Variants in OGDH observed in about 807,000 individuals in gnomAD.
OGDH encodes the protein 2-oxoglutarate dehydrogenase complex component E1.
OGDH carries 38 observed loss-of-function variants against 116.6 expected under a neutral mutation model. The observed-to-expected ratio is 0.33, with a 90% CI of 0.25 to 0.43. OGDH has a LOEUF of 0.43. Among genes scored for constraint, OGDH ranks in the 20% least tolerant of loss-of-function variants. OGDH has a pLI of 1.00. For synonymous variants in OGDH, 488 were observed against 533.3 expected (o/e 0.92, Z 1.17); for missense variants, 825 against 1,357.2 (o/e 0.61, Z 6.16).
chr7:44,646,819 G>T (rs1224429994), intron 3 of OGDH, among the ~76,000 whole-genome samples: 1 of 152,182 alleles, frequency 6.6e-6, no homozygotes, highest in African/African-American at 2.4e-5. Flanking sequence ...CAGGACCAGA[G>T]CCCTCACTCC....
intron 2 of OGDH, among the ~76,000 whole-genome samples, chr7:44,644,776 G>A (rs1786094881): frequency 6.6e-6 from 1 of 152,208 alleles, no homozygotes; most frequent in African/African-American, 2.4e-5. Flanking sequence ...CCAGGGAAGT[G>A]AAAGGACATG....
At chr7:44,628,601 A>G (rs1004599533) in intron 2 of OGDH, among the ~76,000 whole-genome samples, 4 of 151,814 alleles carry the variant, frequency 2.6e-5, no homozygotes, top group Non-Finnish European at 5.9e-5. Context: ...AATAAAATAG[A>G]AAGCTTTTTA....
Position 44,624,495 on chromosome 7 carries a change from G to A in OGDH, c.152G>A (p.Ser51Asn). The stretch of plus-strand genomic sequence containing the variant: ...CCTGTTGCTGCTGAGCCCTTTCTCA[G>A]TGGGACTAGTTCGAACTATGTGGAG... Reference protein sequence around the residue: ...SAPVAAEPFLSGTSSNYVEEM... With the variant: ...SAPVAAEPFLNGTSSNYVEEM... Residue 51 changes from serine to asparagine, a missense_variant, in exon 2 of 23, where the codon AGT becomes AAT. By Grantham distance (46) the Ser-to-Asn change is conservative. Transcript: ENST00000222673. 1 of 1,613,944 alleles carries A rather than the reference G, an allele frequency of 6.2e-7. No homozygotes were observed. Among genetic ancestry groups the A allele is most frequent in the Non-Finnish European group, 8.5e-7 (1 of 1,180,010 alleles).
chr7:44,626,303 C>A (rs1243721670), intron 2 of OGDH, among the ~76,000 whole-genome samples: 5 of 142,808 alleles, frequency 3.5e-5, no homozygotes, highest in African/African-American at 1.4e-4. Flanking sequence ...ACACACACAC[C>A]CCTACACACA....
intron 2 of OGDH, among the ~76,000 whole-genome samples, chr7:44,642,609 C>T (rs1020569570): frequency 6.6e-6 from 1 of 152,134 alleles, no homozygotes; most frequent in African/African-American, 2.4e-5. Flanking sequence ...ACCGTAAAAC[C>T]TCAAATAGTT....
At chr7:44,609,339 C>CA (rs1185554089) in intron 1 of OGDH, among the ~76,000 whole-genome samples, 2,582 of 81,508 alleles carry the variant, frequency 0.032, 85 homozygotes, top group African/African-American at 0.11. Flanking sequence ...CTCGTCTCTA[C>CA]AAAAAAAAAA....
At chr7:44,655,238 G>A (rs1230297186) in intron 4 of OGDH, among the ~76,000 whole-genome samples, 1 of 152,146 alleles carries the variant, frequency 6.6e-6, no homozygotes, top group African/African-American at 2.4e-5. Context: ...ATGGTCTCAT[G>A]TCTTGGTTTT....
At chr7:44,614,253 G>A (rs1046644138) in intron 1 of OGDH, among the ~76,000 whole-genome samples, 4 of 136,108 alleles carry the variant, frequency 2.9e-5, no homozygotes, top group African/African-American at 1.1e-4. Context: ...TTTTTCTTGT[G>A]TATAATGCAC....
intron 18 of OGDH, among the ~76,000 whole-genome samples, chr7:44,699,857 A>G (rs1268506898): frequency 1.3e-5 from 2 of 152,150 alleles, no homozygotes; most frequent in African/African-American, 4.8e-5. Context: ...GGCATGTCAC[A>G]TGGCCAGAGC....
chr7:44,630,235 C>G (rs937472872), intron 2 of OGDH, among the ~76,000 whole-genome samples: 1 of 152,222 alleles, frequency 6.6e-6, no homozygotes, highest in Admixed American at 6.5e-5. Flanking sequence ...ATGGTTGTGT[C>G]CTGGCCTGGG....
In OGDH at chr7:44,697,572, A is replaced by C; in HGVS notation, c.2180-32A>C. 1 of 1,614,000 alleles carries C rather than the reference A, an allele frequency of 6.2e-7. No individual in the cohort carries two copies. Among genetic ancestry groups the C allele is most frequent in the Non-Finnish European group, 8.5e-7 (1 of 1,179,918 alleles). On this transcript the variant is annotated intron_variant, in intron 16 of 22. Coordinates refer to ENST00000222673, the MANE Select transcript of OGDH (RefSeq NM_002541.4). This position sits in a 1 kb window ranked among gnomAD's most constrained non-coding sequence, Gnocchi z 6.0. The stretch of plus-strand genomic sequence containing the variant: ...CTGGGCCTACTGGCTGGTGTCCTGG[A>C]CATGGTTTTCTCCTTCCTTTGTCCC...
chr7:44,676,783 T>C (rs1391174817), intron 9 of OGDH, among the ~76,000 whole-genome samples: 2 of 152,258 alleles, frequency 1.3e-5, no homozygotes, highest in East Asian at 1.9e-4. Flanking sequence ...GTTGCAGTTA[T>C]TCTGAATGGA....
At chr7:44,685,642 G>A (rs1411311547) in intron 10 of OGDH, among the ~76,000 whole-genome samples, 1 of 150,392 alleles carries the variant, frequency 6.6e-6, no homozygotes, top group African/African-American at 2.5e-5. Flanking sequence ...CCTTTGAGAC[G>A]GGGTCTTGCT....
At chr7:44,700,314 C>T in intron 19 of OGDH, 45 bp downstream of exon 19, 2 of 1,608,346 alleles carry the variant, frequency 1.2e-6, no homozygotes, top group Non-Finnish European at 8.5e-7. Context: ...CTGGCCCTGC[C>T]CTGTTGGTGC....
intron 5 of OGDH, among the ~76,000 whole-genome samples, chr7:44,673,133 A>G (rs900984041): frequency 6.6e-6 from 1 of 151,998 alleles, no homozygotes; most frequent in Non-Finnish European, 1.5e-5. Flanking sequence ...TTGCTTCCTG[A>G]GGCAGAAGGA....
chr7:44,630,255 A>G (rs562731129), intron 2 of OGDH, among the ~76,000 whole-genome samples: 105 of 152,336 alleles, frequency 6.9e-4, no homozygotes, highest in Non-Finnish European at 1.3e-3. Flanking sequence ...GGTTCCTCCC[A>G]TGGCAGGAGC....
intron 9 of OGDH, among the ~76,000 whole-genome samples, chr7:44,678,002 A>G (rs1435489155): frequency 6.6e-6 from 1 of 152,310 alleles, no homozygotes; most frequent in South Asian, 2.1e-4. Context: ...ATCATAGGTA[A>G]TGGAGCCTGG....
intron 5 of OGDH, among the ~76,000 whole-genome samples, chr7:44,672,620 G>C (rs953840487): frequency 6.6e-6 from 1 of 151,434 alleles, no homozygotes; most frequent in African/African-American, 2.4e-5. Context: ...AGGGCAGCCC[G>C]AGAGGGATTT....
chr7:44,646,460 G>A (rs1786186986), intron 3 of OGDH, among the ~76,000 whole-genome samples: 1 of 152,244 alleles, frequency 6.6e-6, no homozygotes, highest in Admixed American at 6.5e-5. Context: ...CTCTCCCTGG[G>A]GCAAGTGTAT....
Sources: allele counts gnomAD v4.1 joint callset (sites outside exome capture counted in the v4.1 genomes callset), GRCh38; gene constraint gnomAD v4.1.1; non-coding constraint Gnocchi (gnomAD v3.1); transcripts MANE v1.5; gene names NCBI Gene and HGNC (gene_info 2026-07-23, HGNC 2026-07-21).